The following LTBP1 variants were observed in gnomAD, a reference collection of about 807,000 sequenced individuals.
LTBP1 encodes the protein latent-transforming growth factor beta-binding protein 1.
Under a neutral mutation model 207.6 loss-of-function variants are expected in LTBP1, and 129 were observed. The ratio of observed to expected loss-of-function variants is 0.62; its 90% CI spans 0.54 to 0.72. LTBP1 has a LOEUF of 0.72. LTBP1 is among the 30% of genes least tolerant of loss of function. LTBP1 has a pLI of 0.00. For synonymous variants in LTBP1, 963 were observed against 833.7 expected, an observed-to-expected ratio of 1.16 and a Z score of -2.67; for missense variants, 2,281 against 2,217.2, an observed-to-expected ratio of 1.03 and a Z score of -0.58.
chr2:33,206,415 T>C (rs1038739848), intron 7 of LTBP1, among the ~76,000 whole-genome samples: 1 of 152,188 alleles, frequency 6.6e-6, no homozygotes, highest in African/African-American at 2.4e-5. Flanking sequence ...TGAAGCTTAA[T>C]ATAGAAGATT....
At chr2:33,201,145 A>G (rs1189952475) in intron 7 of LTBP1, among the ~76,000 whole-genome samples, 2 of 152,216 alleles carry the variant, frequency 1.3e-5, no homozygotes, top group African/African-American at 4.8e-5. Flanking sequence ...CCAAAGGACT[A>G]TAAATCATGC....
At chr2:33,017,439 G>GCA (rs1688542355) in intron 2 of LTBP1, among the ~76,000 whole-genome samples, 2 of 152,186 alleles carry the variant, frequency 1.3e-5, no homozygotes, top group African/African-American at 4.8e-5. Context: ...TAGCAGGCTT[G>GCA]GGGTAGCCCA....
chr2:32,952,536 CA>C (rs1232961609), intron 2 of LTBP1, among the ~76,000 whole-genome samples: 2 of 152,152 alleles, frequency 1.3e-5, no homozygotes, highest in African/African-American at 4.8e-5. Context: ...GTGCTCTTTC[CA>C]AGGAATTAAC....
chr2:33,312,569 T>A (rs894174194), intron 23 of LTBP1, among the ~76,000 whole-genome samples: 19 of 152,180 alleles, frequency 1.2e-4, no homozygotes, highest in African/African-American at 4.1e-4. Flanking sequence ...GGCTTTCAGC[T>A]TGAAGTTACT....
At chr2:33,013,705 C>T (rs1687977365) in intron 2 of LTBP1, among the ~76,000 whole-genome samples, 2 of 152,132 alleles carry the variant, frequency 1.3e-5, no homozygotes, top group South Asian at 4.1e-4. Flanking sequence ...AGTGCTTTTA[C>T]AACTATTGAC....
intron 20 of LTBP1, among the ~76,000 whole-genome samples, chr2:33,295,224 A>G (rs2093851541): frequency 6.6e-6 from 1 of 151,812 alleles, no homozygotes; most frequent in African/African-American, 2.4e-5. Flanking sequence ...ATGTATACGA[A>G]CTCTTTATAT....
chr2:33,254,852 GTTTTTTTTTTTTTTTTTT>G (rs70938393), intron 11 of LTBP1, among the ~76,000 whole-genome samples: 3 of 10,362 alleles, frequency 2.9e-4, no homozygotes, highest in East Asian at 5.7e-3. Flanking sequence ...GCGGTGTTTG[GTTTTTTTTTTTTTTTTTT>G]TTTTTTTTTT....
intron 32 of LTBP1, 118 bp downstream of exon 32, chr2:33,389,424 T>C: frequency 7.2e-7 from 1 of 1,390,170 alleles, no homozygotes; most frequent in Non-Finnish European, 9.9e-7. Context: ...ACCCCAGACC[T>C]GCTGGTCAGA....
At position 33,090,016 on chromosome 2, in the gene LTBP1, A is replaced by G. The variant is rs542958444; in HGVS notation, c.864-20566A>G. On this transcript the variant is annotated intron_variant, in intron 3 of 33. Transcript: ENST00000404816. ...GTTTGCTGATATTTATTGAAATGAA[A>G]CCTAGTTGATGTTACGTGTTTTATA... Among the ~76,000 whole-genome samples, 3 of 152,234 alleles carry G rather than the reference A, an allele frequency of 2.0e-5. No homozygotes were observed. The East Asian group carries it at 5.8e-4, about 29-fold the overall frequency.
chr2:33,002,312 C>T (rs1244234365), intron 2 of LTBP1, among the ~76,000 whole-genome samples: 2 of 152,146 alleles, frequency 1.3e-5, no homozygotes, highest in Non-Finnish European at 2.9e-5. Flanking sequence ...TACATTTGTG[C>T]AGGTGGTGGA....
chr2:33,238,273 G>T (rs2092144781), intron 9 of LTBP1, among the ~76,000 whole-genome samples: 1 of 152,068 alleles, frequency 6.6e-6, no homozygotes, highest in Non-Finnish European at 1.5e-5. Flanking sequence ...TTCTTACCTT[G>T]TCCTGACTCC....
chr2:33,334,278 A>G (rs1182000404), intron 24 of LTBP1, among the ~76,000 whole-genome samples: 1 of 152,268 alleles, frequency 6.6e-6, no homozygotes, highest in Non-Finnish European at 1.5e-5. Flanking sequence ...CAGAGGCCAC[A>G]TGGACAAGCG....
chr2:33,229,191 C>T (rs1381051429), intron 9 of LTBP1, among the ~76,000 whole-genome samples: 1 of 152,090 alleles, frequency 6.6e-6, no homozygotes, highest in Non-Finnish European at 1.5e-5. Flanking sequence ...GGTTATCAGC[C>T]AGATGTAATG....
Position 33,020,892 on chromosome 2 carries a change from C to A in LTBP1, c.566-17C>A. 1 of 1,555,776 alleles carries A rather than the reference C, an allele frequency of 6.4e-7. No individual in the cohort carries two copies. The highest frequency in any genetic ancestry group is 8.7e-7 in the Non-Finnish European group (1 of 1,145,858). On this transcript the variant is annotated splice_polypyrimidine_tract_variant and intron_variant, in intron 2 of 33. Transcript: ENST00000404816. Reference sequence around the variant, plus strand: ...ATGTTGTTCTTCAAAGCTGTGCCTTCTGTTTTCTTTCTGCAGCTAGCTGTG... The same window carrying A: ...ATGTTGTTCTTCAAAGCTGTGCCTTATGTTTTCTTTCTGCAGCTAGCTGTG...
At position 32,981,542 on chromosome 2, in the gene LTBP1, A is replaced by T. The variant is rs186389294; in HGVS notation, c.565+32597A>T. Reference sequence around the variant, plus strand: ...TGTTAAGATGGAATGATGACTTCCAAGCTCCTTACATGCAGGACTGGAAAG... The same window carrying T: ...TGTTAAGATGGAATGATGACTTCCATGCTCCTTACATGCAGGACTGGAAAG... On this transcript the variant is annotated intron_variant, in intron 2 of 33. Transcript: ENST00000404816. 6.6e-5 allele frequency among the ~76,000 whole-genome samples: 10 copies of T among 152,284 alleles called. No individual in the cohort carries two copies. In the East Asian group the frequency reaches 1.7e-3, roughly 26 times the overall value.
chr2:33,111,412 G>A (rs1336865665), intron 4 of LTBP1, among the ~76,000 whole-genome samples: 2 of 152,216 alleles, frequency 1.3e-5, no homozygotes, highest in Non-Finnish European at 2.9e-5. Flanking sequence ...CCCATCCAAA[G>A]GCGAGAGCTA....
At chr2:33,082,122 T>C (rs906799342) in intron 3 of LTBP1, among the ~76,000 whole-genome samples, 1 of 152,172 alleles carries the variant, frequency 6.6e-6, no homozygotes, top group Admixed American at 6.5e-5. Flanking sequence ...TTCGTCCTCA[T>C]GAATGGATTA....
At chr2:33,187,844 G>A (rs1325994066) in intron 6 of LTBP1, among the ~76,000 whole-genome samples, 1 of 151,958 alleles carries the variant, frequency 6.6e-6, no homozygotes, top group Non-Finnish European at 1.5e-5. Flanking sequence ...TGTAAAACTG[G>A]GTTTTCTCTT....
At chr2:33,268,725 T>A (rs1327362439) in intron 15 of LTBP1, among the ~76,000 whole-genome samples, 6 of 152,222 alleles carry the variant, frequency 3.9e-5, no homozygotes, top group Non-Finnish European at 8.8e-5. Flanking sequence ...TCTGTTTCAA[T>A]TGTTGTGGGA....
Sources: gnomAD v4.1 joint callset for allele counts (sites outside exome capture counted in the v4.1 genomes callset) on GRCh38, gnomAD v4.1.1 for gene constraint, MANE v1.5 for transcripts, NCBI Gene and HGNC (gene_info 2026-07-23, HGNC 2026-07-21) for gene names.